MAGI2: variants seen among roughly 807,000 people sequenced by gnomAD.
The protein encoded by MAGI2 is membrane-associated guanylate kinase, WW and PDZ domain-containing protein 2.
In MAGI2, 35 loss-of-function variants were observed where a neutral mutation model predicts 133.3. That is an observed-to-expected ratio of 0.26 (90% CI 0.20 to 0.35). The LOEUF is 0.35. MAGI2 is among the 10% of genes least tolerant of loss of function. The pLI, the probability that MAGI2 is intolerant of heterozygous loss-of-function variation, is 1.00. For missense variants in MAGI2, 1,636 were observed against 1,863.4 expected, an observed-to-expected ratio of 0.88 and a Z score of 2.25; for synonymous variants, 729 against 710.6, an observed-to-expected ratio of 1.03 and a Z score of -0.41.
At chr7:78,382,144 T>A (rs577402877) in intron 6 of MAGI2, among the ~76,000 whole-genome samples, 1 of 152,188 alleles carries the variant, frequency 6.6e-6, no homozygotes, top group South Asian at 2.1e-4. Context: ...TGATCTGATA[T>A]GTGGTTATAT....
At chr7:79,129,305 C>G (rs1820704809) in intron 1 of MAGI2, among the ~76,000 whole-genome samples, 1 of 152,176 alleles carries the variant, frequency 6.6e-6, no homozygotes, top group South Asian at 2.1e-4. Flanking sequence ...AAAACACTTT[C>G]TACTGAGTGT....
intron 1 of MAGI2, among the ~76,000 whole-genome samples, chr7:79,058,224 T>C (rs1813346853): frequency 6.6e-6 from 1 of 152,126 alleles, no homozygotes; most frequent in South Asian, 2.1e-4. Context: ...TCCCATTAGT[T>C]CAATTTTTTT....
intron 1 of MAGI2, among the ~76,000 whole-genome samples, chr7:79,311,548 C>T (rs983585758): frequency 4.6e-5 from 7 of 152,004 alleles, no homozygotes; most frequent in Non-Finnish European, 8.8e-5. Flanking sequence ...ATCTTCCCAT[C>T]CCTTTCCTTC....
At chr7:78,279,391 T>C (rs1480846930) in intron 9 of MAGI2, among the ~76,000 whole-genome samples, 1 of 152,134 alleles carries the variant, frequency 6.6e-6, no homozygotes, top group Non-Finnish European at 1.5e-5. Context: ...CACACCATAT[T>C]GTATGCTGTG....
At position 78,280,838 on chromosome 7, in the gene MAGI2, C is replaced by T. The variant is rs575207151; in HGVS notation, c.1409-24257G>A. Among the ~76,000 whole-genome samples the T allele has an allele frequency of 6.4e-3, 693 of 108,900 alleles. 8 individuals are homozygous for T. The highest frequency in any genetic ancestry group is 0.064 in the Middle Eastern group (7 of 110). 71.4% of individuals were successfully genotyped at this position (108,900 alleles called of 152,430 possible). A position where few individuals can be genotyped will look rare whatever the true frequency, so the allele number is the denominator to read the frequency against. On this transcript the variant is annotated intron_variant, in intron 9 of 21. Transcript: ENST00000354212. ...AGGAATTGCCTTTTAACTTGATCTT[C>T]AGGTGATGGGTATACAAAAAAAAAA...
chr7:78,680,527 C>T (rs1815532011), intron 2 of MAGI2, among the ~76,000 whole-genome samples: 1 of 152,088 alleles, frequency 6.6e-6, no homozygotes, highest in African/African-American at 2.4e-5. Context: ...TTTTAGGGTT[C>T]ATGTAATAGA....
At chr7:78,073,770 T>C (rs898368126) in intron 21 of MAGI2, among the ~76,000 whole-genome samples, 6 of 152,242 alleles carry the variant, frequency 3.9e-5, no homozygotes, top group Non-Finnish European at 8.8e-5. Context: ...GTATAATTTA[T>C]TCCTGTGCAG....
At chr7:78,569,747 A>G (rs1379372322) in intron 3 of MAGI2, among the ~76,000 whole-genome samples, 1 of 152,212 alleles carries the variant, frequency 6.6e-6, no homozygotes, top group Non-Finnish European at 1.5e-5. Flanking sequence ...CACCCACATG[A>G]AAACATAGAA....
At chr7:78,976,539 C>T (rs1378006454) in intron 2 of MAGI2, among the ~76,000 whole-genome samples, 1 of 151,362 alleles carries the variant, frequency 6.6e-6, no homozygotes, top group Non-Finnish European at 1.5e-5. Context: ...CTGAGATTAT[C>T]AACCAGGAAA....
At chr7:78,843,344 G>A (rs485473) in intron 2 of MAGI2, among the ~76,000 whole-genome samples, 142,888 of 151,990 alleles carry the variant, frequency 0.94, 67,666 homozygotes, top group Non-Finnish European at 1. Context: ...GAGATCTGTT[G>A]TCTTTATGTG....
chr7:78,962,706 G>C (rs1395959149), intron 2 of MAGI2, among the ~76,000 whole-genome samples: 1 of 151,848 alleles, frequency 6.6e-6, no homozygotes, highest in Non-Finnish European at 1.5e-5. Flanking sequence ...CCTGATTAGG[G>C]AGGCAATAGT....
intron 3 of MAGI2, among the ~76,000 whole-genome samples, chr7:78,540,963 C>T (rs765571256): frequency 9.2e-5 from 14 of 152,150 alleles, no homozygotes; most frequent in African/African-American, 1.4e-4. Context: ...CAGAGTTTGC[C>T]GTGGCAAGCC....
At chr7:78,064,220 T>C (rs79782300) in intron 21 of MAGI2, among the ~76,000 whole-genome samples, 23,586 of 152,178 alleles carry the variant, frequency 0.15, 2,007 homozygotes, top group Middle Eastern at 0.2. Flanking sequence ...AACTTAGCTA[T>C]GTAGTTTTCC....
chr7:79,135,353 A>G (rs1334672022), intron 1 of MAGI2, among the ~76,000 whole-genome samples: 1 of 152,230 alleles, frequency 6.6e-6, no homozygotes, highest in Non-Finnish European at 1.5e-5. Flanking sequence ...AGGAAATTAC[A>G]TAGATTTTTG....
At chr7:79,254,210 T>C (rs1833526021) in intron 1 of MAGI2, among the ~76,000 whole-genome samples, 1 of 152,210 alleles carries the variant, frequency 6.6e-6, no homozygotes, top group East Asian at 1.9e-4. Context: ...TGACCATTTT[T>C]CTCTTGGGTT....
Position 78,346,050 on chromosome 7 carries a change from A to C in MAGI2, c.1104-7T>G. On this transcript the variant is annotated splice_polypyrimidine_tract_variant and splice_region_variant and intron_variant, in intron 7 of 21. Coordinates refer to ENST00000354212, the MANE Select transcript of MAGI2 (RefSeq NM_012301.4). ...TGTTCTTCTATTTATGTGGCTAAAA[A>C]AGAAAATTTCAGATTAGGATAACCG... 6.8e-6 allele frequency: 11 copies of C among 1,613,876 alleles called. No individual in the cohort carries two copies. The highest frequency in any genetic ancestry group is 9.3e-6 in the Non-Finnish European group (11 of 1,179,962).
chr7:78,482,358 G>A (rs1201067570), intron 6 of MAGI2, among the ~76,000 whole-genome samples: 2 of 151,872 alleles, frequency 1.3e-5, no homozygotes, highest in Non-Finnish European at 2.9e-5. Context: ...TCCTAAAACT[G>A]AAACGCACTT....
chr7:79,383,377 CA>C (rs1453862817), intron 1 of MAGI2, among the ~76,000 whole-genome samples: 2 of 151,304 alleles, frequency 1.3e-5, no homozygotes, highest in East Asian at 3.9e-4. Flanking sequence ...AAAACATTCA[CA>C]AGGAAAGTTT....
chr7:78,410,697 T>C (rs1424317728), intron 6 of MAGI2, among the ~76,000 whole-genome samples: 1 of 151,530 alleles, frequency 6.6e-6, no homozygotes, highest in Non-Finnish European at 1.5e-5. Flanking sequence ...GATGCAAAGC[T>C]CAGGGAGAAA....
Sources: gnomAD v4.1 joint callset for allele counts (sites outside exome capture counted in the v4.1 genomes callset) on GRCh38, gnomAD v4.1.1 for gene constraint, MANE v1.5 for transcripts, NCBI Gene and HGNC (gene_info 2026-07-23, HGNC 2026-07-21) for gene names.